CRYBG1: variants seen among roughly 807,000 people sequenced by gnomAD.
CRYBG1 encodes crystallin beta-gamma domain containing 1.
In CRYBG1, 139 loss-of-function variants were observed where a neutral mutation model predicts 189.2. The observed-to-expected ratio is 0.73, with a 90% CI of 0.64 to 0.85. CRYBG1 has a LOEUF of 0.85. Among genes scored for constraint, CRYBG1 ranks in the 40% least tolerant of loss-of-function variants. The probability of loss-of-function intolerance (pLI) is 0.00; values close to 1 mark genes in which losing one functional copy is unlikely to be tolerated. For synonymous variants in CRYBG1, 1,023 were observed against 1,017.1 expected (o/e 1.01, Z -0.11); for missense variants, 2,611 against 2,675.8 (o/e 0.98, Z 0.53).
At chr6:106,503,434 T>A (rs898078178) in intron 2 of CRYBG1, among the ~76,000 whole-genome samples, 1 of 152,242 alleles carries the variant, frequency 6.6e-6, no homozygotes, top group African/African-American at 2.4e-5. Context: ...ATGTAAGCCA[T>A]GCCTTCATAA....
At chr6:106,368,873 A>G (rs1018321685) in intron 1 of CRYBG1, among the ~76,000 whole-genome samples, 4 of 152,230 alleles carry the variant, frequency 2.6e-5, no homozygotes, top group Non-Finnish European at 5.9e-5. Context: ...CTTAAAAAAA[A>G]ATAAACAACC....
In CRYBG1 at chr6:106,549,477, G is replaced by A. The variant is rs776419793; in HGVS notation, c.5313-2375G>A. On this transcript the variant is annotated intron_variant, in intron 13 of 21. Transcript: ENST00000633556. ...TTTTTAGGCCGGGAACAGTGCTCAC[G>A]CCTGTAATCCTAGCACTTTAGGAGG... Among the ~76,000 whole-genome samples, 6 of 152,248 alleles carry A rather than the reference G, an allele frequency of 3.9e-5. No homozygotes were observed. The South Asian group carries it at 6.2e-4, about 16-fold the overall frequency.
At chr6:106,422,003 T>C (rs1165457987) in intron 1 of CRYBG1, among the ~76,000 whole-genome samples, 1 of 152,166 alleles carries the variant, frequency 6.6e-6, no homozygotes, top group Non-Finnish European at 1.5e-5. Flanking sequence ...TTCAGTCATC[T>C]CCCACCAGGT....
At chr6:106,526,084 C>A (rs908789341) in intron 6 of CRYBG1, among the ~76,000 whole-genome samples, 2 of 152,086 alleles carry the variant, frequency 1.3e-5, no homozygotes, top group African/African-American at 4.8e-5. Context: ...AAAAAGAAAT[C>A]GCTGATCTGG....
chr6:106,371,770 C>T (rs541380545), intron 1 of CRYBG1, among the ~76,000 whole-genome samples: 13 of 152,290 alleles, frequency 8.5e-5, no homozygotes, highest in African/African-American at 3.1e-4. Context: ...TGCATTTGCT[C>T]AAAAGTTTTG....
intron 2 of CRYBG1, among the ~76,000 whole-genome samples, chr6:106,465,349 G>T (rs1298106697): frequency 6.6e-6 from 1 of 152,188 alleles, no homozygotes; most frequent in African/African-American, 2.4e-5. Flanking sequence ...GATGTCTTAG[G>T]TTAAGTCATT....
chr6:106,441,811 A>G (rs1771572393), intron 1 of CRYBG1, among the ~76,000 whole-genome samples: 1 of 152,240 alleles, frequency 6.6e-6, no homozygotes, highest in South Asian at 2.1e-4. Flanking sequence ...TAAGTGGAAC[A>G]CGATGAAACT....
At chr6:106,546,621 G>C (rs1241584930) in intron 13 of CRYBG1, among the ~76,000 whole-genome samples, 1 of 152,182 alleles carries the variant, frequency 6.6e-6, no homozygotes, top group Admixed American at 6.5e-5. Flanking sequence ...GTGATTTCCG[G>C]GTATTCCATT....
At chr6:106,563,068 T>C (rs1274227975) in intron 20 of CRYBG1, among the ~76,000 whole-genome samples, 1 of 152,222 alleles carries the variant, frequency 6.6e-6, no homozygotes, top group East Asian at 1.9e-4. Context: ...GAGTTGGGAT[T>C]ACAGTTGTGA....
At chr6:106,385,338 T>C (rs1349019441) in intron 1 of CRYBG1, among the ~76,000 whole-genome samples, 1 of 152,212 alleles carries the variant, frequency 6.6e-6, no homozygotes, top group Non-Finnish European at 1.5e-5. Flanking sequence ...CAAGACATTG[T>C]TAAGTTCAGG....
chr6:106,419,653 G>A (rs1647219389), intron 1 of CRYBG1, among the ~76,000 whole-genome samples: 2 of 152,174 alleles, frequency 1.3e-5, no homozygotes, highest in South Asian at 4.1e-4. Context: ...CAAAGTGCTG[G>A]GATTACAGGC....
At position 106,451,721 on chromosome 6, in the gene CRYBG1, T is replaced by A; in HGVS notation, c.201T>A (p.Tyr67Ter). Residue 67 changes from tyrosine to a stop codon, truncating the protein, a stop_gained, in exon 2 of 22, where the codon TAT becomes TAA. Coordinates refer to ENST00000633556, the MANE Select transcript of CRYBG1 (RefSeq NM_001371242.2). LOFTEE classifies it high-confidence loss of function. The stretch of plus-strand genomic sequence containing the variant: ...CTTTGGATGTAGTCGATGGAAAATA[T>A]GTGGTTCGAGACTCCCAGGAATTTC... ...ARALDVVDGK[Y>*]VVRDSQEFPL... is the part of the protein sequence containing the mutation. 6.5e-7 allele frequency: 1 copy of A among 1,534,158 alleles called. No homozygotes were observed. Among genetic ancestry groups the A allele is most frequent in the Non-Finnish European group, 8.7e-7 (1 of 1,146,044 alleles).
intron 1 of CRYBG1, among the ~76,000 whole-genome samples, chr6:106,415,465 C>A (rs1306878228): frequency 1.3e-5 from 2 of 151,870 alleles, no homozygotes; most frequent in Non-Finnish European, 2.9e-5. Flanking sequence ...AGGCTCATGC[C>A]TGTAATCCCG....
chr6:106,544,635 A>AGGGAC lies in CRYBG1; in HGVS notation c.5105_5109dup (p.Trp1704GlyfsTer20). ...GTATTTGCTAGAAGAAGGAGAATAC[A>AGGGAC]GGGACTGGAAAGCCTGGGGAGGTTA... On this transcript the variant is annotated frameshift_variant, in exon 12 of 22. Transcript: ENST00000633556. LOFTEE classifies it high-confidence loss of function. The AGGGAC allele has an allele frequency of 6.2e-7, 1 of 1,614,134 alleles. No individual in the cohort carries two copies. Among genetic ancestry groups the AGGGAC allele is most frequent in the Non-Finnish European group, 8.5e-7 (1 of 1,179,970 alleles).
chr6:106,473,447 C>A (rs1218981147), intron 2 of CRYBG1, among the ~76,000 whole-genome samples: 1 of 152,138 alleles, frequency 6.6e-6, no homozygotes, highest in Non-Finnish European at 1.5e-5. Context: ...ATATATTGGT[C>A]TATACAGTGG....
intron 4 of CRYBG1, among the ~76,000 whole-genome samples, chr6:106,524,695 T>C (rs146524892): frequency 5.2e-5 from 8 of 152,382 alleles, no homozygotes; most frequent in Middle Eastern, 3.4e-3. Flanking sequence ...AAACAATATT[T>C]ATATGGATTC....
chr6:106,421,852 G>A (rs1023216187), intron 1 of CRYBG1, among the ~76,000 whole-genome samples: 14 of 152,126 alleles, frequency 9.2e-5, no homozygotes, highest in Admixed American at 1.3e-4. Context: ...AAGGCAAGGA[G>A]GAGCAAGTCA....
intron 13 of CRYBG1, among the ~76,000 whole-genome samples, chr6:106,550,509 T>C (rs1337545878): frequency 3.3e-5 from 5 of 152,236 alleles, no homozygotes; most frequent in Non-Finnish European, 7.3e-5. Flanking sequence ...ATTGGTTTTG[T>C]TGATTTTCCT....
chr6:106,517,447 T>TACACACATATATATATACAC (rs1773464593), intron 3 of CRYBG1, among the ~76,000 whole-genome samples: 1 of 147,188 alleles, frequency 6.8e-6, no homozygotes, highest in Non-Finnish European at 1.5e-5. Context: ...CACATATATA[T>TACACACATATATATATACAC]ACACACATAT....
Sources: allele counts gnomAD v4.1 joint callset (sites outside exome capture counted in the v4.1 genomes callset), GRCh38; gene constraint gnomAD v4.1.1; transcripts MANE v1.5; gene names NCBI Gene and HGNC (gene_info 2026-07-23, HGNC 2026-07-21).